DDAH1: variants seen among roughly 807,000 people sequenced by gnomAD.
DDAH1 encodes the protein N(G),N(G)-dimethylarginine dimethylaminohydrolase 1.
DDAH1 carries 19 observed loss-of-function variants against 28.8 expected under a neutral mutation model. That is an observed-to-expected ratio of 0.66 (90% CI 0.46 to 0.97). The LOEUF (loss-of-function observed/expected upper bound fraction) is 0.97, where lower values mean the gene tolerates loss of function less well. DDAH1 is among the 50% of genes least tolerant of loss of function. The probability of loss-of-function intolerance (pLI) is 0.00; values close to 1 mark genes in which losing one functional copy is unlikely to be tolerated. For synonymous variants in DDAH1, 153 were observed against 154.4 expected (o/e 0.99, Z 0.07); for missense variants, 326 against 375.9 (o/e 0.87, Z 1.10).
chr1:85,525,711 A>T (rs577643005), intron 1 of DDAH1, among the ~76,000 whole-genome samples: 1 of 152,210 alleles, frequency 6.6e-6, no homozygotes, highest in East Asian at 1.9e-4. Context: ...GTTGCTATTT[A>T]TACCCCATCT....
At chr1:85,500,967 T>C (rs1408388370) in intron 1 of DDAH1, among the ~76,000 whole-genome samples, 1 of 152,174 alleles carries the variant, frequency 6.6e-6, no homozygotes, top group Admixed American at 6.5e-5. Context: ...TTCTATTTAC[T>C]GGAGTCCATA....
chr1:85,324,542 A>G (rs570928215), intron 5 of DDAH1, among the ~76,000 whole-genome samples, 198 bp downstream of exon 5: 2 of 152,250 alleles, frequency 1.3e-5, no homozygotes, highest in South Asian at 4.1e-4. Context: ...CTCAATTACT[A>G]TGCATGCATT....
At chr1:85,557,658 T>C (rs1659012843) in intron 1 of DDAH1, among the ~76,000 whole-genome samples, 1 of 152,180 alleles carries the variant, frequency 6.6e-6, no homozygotes, top group Non-Finnish European at 1.5e-5. Context: ...AATTCATATA[T>C]TAGAGTCCTA....
intron 1 of DDAH1, among the ~76,000 whole-genome samples, chr1:85,412,720 G>A (rs1652712898): frequency 6.6e-6 from 1 of 152,168 alleles, no homozygotes; most frequent in African/African-American, 2.4e-5. Context: ...TATTTTGAGG[G>A]CCAGGCATGG....
At chr1:85,433,496 A>G (rs1653799358) in intron 1 of DDAH1, among the ~76,000 whole-genome samples, 1 of 152,160 alleles carries the variant, frequency 6.6e-6, no homozygotes, top group Non-Finnish European at 1.5e-5. Flanking sequence ...CATCCTCAGG[A>G]TTTTCTGAGG....
chr1:85,368,776 G>A (rs1650214398), intron 1 of DDAH1, among the ~76,000 whole-genome samples: 1 of 152,158 alleles, frequency 6.6e-6, no homozygotes, highest in South Asian at 2.1e-4. Flanking sequence ...CCTGAATGTT[G>A]AGAAGCATAA....
chr1:85,353,345 G>A (rs988275163), intron 2 of DDAH1, among the ~76,000 whole-genome samples: 1 of 152,254 alleles, frequency 6.6e-6, no homozygotes, highest in East Asian at 1.9e-4. Context: ...GTATTATGGT[G>A]AAGTATAAGA....
At chr1:85,558,019 G>C (rs1659030999) in intron 1 of DDAH1, among the ~76,000 whole-genome samples, 2 of 151,946 alleles carry the variant, frequency 1.3e-5, no homozygotes, top group South Asian at 4.1e-4. Context: ...TCAGTGTTAA[G>C]ATGTAAAACA....
chr1:85,382,661 G>C (rs1651052502), intron 1 of DDAH1, among the ~76,000 whole-genome samples: 1 of 152,226 alleles, frequency 6.6e-6, no homozygotes, highest in South Asian at 2.1e-4. Context: ...TTCTCTAGCT[G>C]TTAAGGAGAA....
rs1040651147 is a variant in DDAH1, at chr1:85,464,532, T to C, written c.303+211A>G. 17 of 1,521,210 alleles carry C rather than the reference T, an allele frequency of 1.1e-5. No homozygotes were observed. The African/African-American group carries it at 2.4e-4, about 21-fold the overall frequency. 94.2% of individuals were successfully genotyped at this position (1,521,210 alleles called of 1,614,324 possible). On this transcript the variant is annotated intron_variant, in intron 1 of 5. Coordinates refer to ENST00000284031, the MANE Select transcript of DDAH1 (RefSeq NM_012137.4). This position sits in a 1 kb window ranked among gnomAD's most constrained non-coding sequence, Gnocchi z 4.4. Reference sequence around the variant, plus strand: ...CGTACAACCACATTGAATCGGATCCTCCAGAAGGCTGCCGGCAGCCGGGAG... The same window carrying C: ...CGTACAACCACATTGAATCGGATCCCCCAGAAGGCTGCCGGCAGCCGGGAG...
At chr1:85,461,648 A>G (rs1655130459) in intron 1 of DDAH1, among the ~76,000 whole-genome samples, 1 of 152,242 alleles carries the variant, frequency 6.6e-6, no homozygotes, top group Admixed American at 6.5e-5. Flanking sequence ...TTAATCTAAA[A>G]TAATGAGAAC....
chr1:85,491,505 G>C (rs1164427998), intron 2 of DDAH1, among the ~76,000 whole-genome samples: 1 of 152,164 alleles, frequency 6.6e-6, no homozygotes, highest in African/African-American at 2.4e-5. Context: ...CCATGGCATG[G>C]AGAAAGCTCA....
At chr1:85,566,493 A>C (rs567016104) in intron 1 of DDAH1, among the ~76,000 whole-genome samples, 2 of 148,062 alleles carry the variant, frequency 1.4e-5, no homozygotes, top group South Asian at 2.1e-4. Context: ...CCCCATCTCA[A>C]AAAAAAAAAA....
intron 1 of DDAH1, among the ~76,000 whole-genome samples, chr1:85,442,549 A>T (rs950758695): frequency 2.6e-5 from 4 of 152,264 alleles, no homozygotes; most frequent in Admixed American, 2.0e-4. Context: ...TACCCAGTAA[A>T]GGGACGGCTG....
intron 1 of DDAH1, among the ~76,000 whole-genome samples, chr1:85,458,356 G>T (rs1654989996): frequency 6.6e-6 from 1 of 151,204 alleles, no homozygotes; most frequent in African/African-American, 2.4e-5. Context: ...ATCAGCTTCA[G>T]GAAAATGATG....
intron 1 of DDAH1, among the ~76,000 whole-genome samples, chr1:85,419,636 T>C (rs1345699402): frequency 6.6e-6 from 1 of 151,234 alleles, no homozygotes; most frequent in Non-Finnish European, 1.5e-5. Context: ...GTGAAACTAG[T>C]ACAAAAAGTT....
In DDAH1 at chr1:85,574,875, A is replaced by ATC. The variant is rs145762144; in HGVS notation, c.-123+3107_-123+3108dup. Among the ~76,000 whole-genome samples the ATC allele has an allele frequency of 2.2e-3, 326 of 151,428 alleles. 1 individual carries two copies. The highest frequency in any genetic ancestry group is 3.7e-3 in the African/African-American group (153 of 41,268). On this transcript the variant is annotated intron_variant, in intron 1 of 6. Transcript: ENST00000426972. ...AGCCTGGCCAACATGGTGAAAACCC[A>ATC]TCTCTCTCTCTCTCTCTATATATAT... is the stretch of plus-strand genomic sequence containing the variant.
chr1:85,465,462 C>A (rs1349106361), upstream of DDAH1, among the ~76,000 whole-genome samples: 2 of 152,204 alleles, frequency 1.3e-5, no homozygotes, highest in African/African-American at 4.8e-5. Flanking sequence ...TCGTCCCCAG[C>A]GCGGACTTGG....
intron 2 of DDAH1, among the ~76,000 whole-genome samples, chr1:85,476,058 C>T (rs144902742): frequency 7.2e-5 from 11 of 152,228 alleles, no homozygotes; most frequent in Admixed American, 2.0e-4. Flanking sequence ...AGACAGGTTT[C>T]GCCATATTGC....
Sources: allele counts gnomAD v4.1 joint callset (sites outside exome capture counted in the v4.1 genomes callset), GRCh38; gene constraint gnomAD v4.1.1; non-coding constraint Gnocchi (gnomAD v3.1); transcripts MANE v1.5; gene names NCBI Gene and HGNC (gene_info 2026-07-23, HGNC 2026-07-21).